The following FGGY variants were observed in gnomAD, a reference collection of about 807,000 sequenced individuals.
FGGY encodes FGGY carbohydrate kinase domain containing.
Under a neutral mutation model 71.3 loss-of-function variants are expected in FGGY, and 72 were observed. The observed-to-expected ratio is 1.01, with a 90% CI of 0.84 to 1.23. The LOEUF (loss-of-function observed/expected upper bound fraction) is 1.23, where lower values mean the gene tolerates loss of function less well. FGGY is among the 50% of genes most tolerant of loss of function. The probability of loss-of-function intolerance (pLI) is 0.00; values close to 1 mark genes in which losing one functional copy is unlikely to be tolerated. For synonymous variants in FGGY, 251 were observed against 250.3 expected, an observed-to-expected ratio of 1.00 and a Z score of -0.02; for missense variants, 668 against 682.3, an observed-to-expected ratio of 0.98 and a Z score of 0.23.
chr1:59,461,047 A>G (rs1265927812), intron 6 of FGGY, among the ~76,000 whole-genome samples: 1 of 152,234 alleles, frequency 6.6e-6, no homozygotes, highest in Non-Finnish European at 1.5e-5. Context: ...CAGCTACGGA[A>G]CAAAGCTGGA....
At chr1:59,533,943 C>T (rs1405505967) in intron 7 of FGGY, among the ~76,000 whole-genome samples, 3 of 152,202 alleles carry the variant, frequency 2.0e-5, no homozygotes, top group Non-Finnish European at 2.9e-5. Flanking sequence ...TCCAAAGGAA[C>T]GGAGTTCCTC....
chr1:59,546,492 G>GGAT lies in FGGY; in HGVS notation c.800-7589_800-7587dup, dbSNP rs371455666. Among the ~76,000 whole-genome samples the GGAT allele has an allele frequency of 6.2e-3, 717 of 115,418 alleles. 7 individuals carry two copies. Among genetic ancestry groups the GGAT allele is most frequent in the Middle Eastern group, 0.016 (4 of 252 alleles). The allele number at this position is 115,418 out of a possible 152,430, so 75.7% of individuals were successfully genotyped here. ...AATTTCTCTGTTGACTTAAAGCATAGGATGATGATGATGATGATGATGATG... is the reference window on the plus strand; with the variant it reads ...AATTTCTCTGTTGACTTAAAGCATAGGATGATGATGATGATGATGATGATGATG... On this transcript the variant is annotated intron_variant, in intron 7 of 15. Coordinates refer to ENST00000303721, the MANE Select transcript of FGGY (RefSeq NM_018291.5).
At chr1:59,422,107 A>T (rs1245422467) in intron 5 of FGGY, among the ~76,000 whole-genome samples, 2 of 152,222 alleles carry the variant, frequency 1.3e-5, no homozygotes, top group African/African-American at 4.8e-5. Flanking sequence ...GGCAAGAATC[A>T]CCTGGAGAGA....
At chr1:59,371,180 C>T (rs1330849141) in intron 4 of FGGY, among the ~76,000 whole-genome samples, 1 of 152,124 alleles carries the variant, frequency 6.6e-6, no homozygotes, top group African/African-American at 2.4e-5. Flanking sequence ...TGCAGAGACA[C>T]ACATAGGCTC....
Position 59,667,422 on chromosome 1 carries a change from A to T in FGGY, c.1417+19A>T. The T allele has an allele frequency of 6.2e-7, 1 of 1,612,082 alleles. No individual in the cohort carries two copies. Among genetic ancestry groups the T allele is most frequent in the Non-Finnish European group, 8.5e-7 (1 of 1,178,928 alleles). ...ATTACTGGTAAGTCTGGGAAAGAGG[A>T]GAGAAGGTCACTTTTTGGCTTGGCA... On this transcript the variant is annotated intron_variant, in intron 13 of 15. Transcript: ENST00000303721.
chr1:59,538,496 A>G (rs2095375828), intron 7 of FGGY, among the ~76,000 whole-genome samples: 1 of 150,700 alleles, frequency 6.6e-6, no homozygotes, highest in Admixed American at 6.6e-5. Context: ...ATTACTGGGT[A>G]TATACCCAAA....
intron 14 of FGGY, chr1:59,733,438 G>GTTGTT (rs530572724): frequency 0.15 from 21,255 of 144,632 alleles, 1,533 homozygotes; most frequent in East Asian, 0.16. Context: ...AACTTATGCT[G>GTTGTT]TTGTTTTGTT....
At chr1:59,689,990 GTC>G (rs753317904) in intron 14 of FGGY, among the ~76,000 whole-genome samples, 1 of 152,196 alleles carries the variant, frequency 6.6e-6, no homozygotes, top group Non-Finnish European at 1.5e-5. Context: ...ACCTGTCAGT[GTC>G]TCTGATGAAG....
chr1:59,375,636 A>C (rs564504253), intron 4 of FGGY, among the ~76,000 whole-genome samples: 5 of 152,290 alleles, frequency 3.3e-5, no homozygotes, highest in Admixed American at 3.3e-4. Context: ...TTATCTCCTT[A>C]GAGAGGAGAG....
chr1:59,445,785 C>G (rs2071098049), intron 5 of FGGY, among the ~76,000 whole-genome samples: 1 of 152,176 alleles, frequency 6.6e-6, no homozygotes, highest in African/African-American at 2.4e-5. Context: ...TTAAATACCT[C>G]AAAATTACTG....
intron 7 of FGGY, among the ~76,000 whole-genome samples, chr1:59,549,579 T>C (rs936505647): frequency 5.9e-5 from 9 of 152,188 alleles, no homozygotes; most frequent in African/African-American, 2.2e-4. Flanking sequence ...TAAGGACTAA[T>C]TGAAGGTTAC....
chr1:59,655,705 A>G (rs1288804927), intron 11 of FGGY, among the ~76,000 whole-genome samples: 2 of 152,332 alleles, frequency 1.3e-5, no homozygotes, highest in Non-Finnish European at 2.9e-5. Context: ...TGGCACCATA[A>G]GAGTTACAGG....
chr1:59,636,564 A>C (rs776255847), intron 10 of FGGY, among the ~76,000 whole-genome samples: 3 of 152,194 alleles, frequency 2.0e-5, no homozygotes, highest in Non-Finnish European at 2.9e-5. Flanking sequence ...CGGAGCTTGC[A>C]GTGAGCCGAG....
At chr1:59,625,036 A>C (rs529992516) in intron 9 of FGGY, among the ~76,000 whole-genome samples, 1 of 152,244 alleles carries the variant, frequency 6.6e-6, no homozygotes, top group South Asian at 2.1e-4. Context: ...TCTTCTTTAC[A>C]CAGCCCTAGC....
intron 5 of FGGY, among the ~76,000 whole-genome samples, chr1:59,391,380 G>C (rs548938071): frequency 6.6e-6 from 1 of 152,146 alleles, no homozygotes; most frequent in South Asian, 2.1e-4. Flanking sequence ...GGAGGAAGTA[G>C]GAGGTGCTAA....
At chr1:59,657,185 A>C (rs2097226972) in intron 11 of FGGY, among the ~76,000 whole-genome samples, 1 of 152,198 alleles carries the variant, frequency 6.6e-6, no homozygotes. Flanking sequence ...TGGGGTTCCT[A>C]ATAAATATTG....
At chr1:59,618,524 C>A (rs144918000) in intron 9 of FGGY, among the ~76,000 whole-genome samples, 1 of 152,078 alleles carries the variant, frequency 6.6e-6, no homozygotes, top group Non-Finnish European at 1.5e-5. Context: ...TTGTAGACTT[C>A]TTTGAGAAGC....
chr1:59,515,106 C>A (rs1449613332), intron 7 of FGGY, among the ~76,000 whole-genome samples: 2 of 151,854 alleles, frequency 1.3e-5, no homozygotes, highest in Admixed American at 6.6e-5. Context: ...GGAGGCTGTA[C>A]CCTGCAAAGC....
At chr1:59,306,898 A>G (rs999516931) in intron 1 of FGGY, among the ~76,000 whole-genome samples, 1 of 152,228 alleles carries the variant, frequency 6.6e-6, no homozygotes, top group Non-Finnish European at 1.5e-5. Context: ...TCCATTGCAG[A>G]TTATGCTGAG....
Sources: allele counts gnomAD v4.1 joint callset (sites outside exome capture counted in the v4.1 genomes callset), GRCh38; gene constraint gnomAD v4.1.1; transcripts MANE v1.5; gene names NCBI Gene and HGNC (gene_info 2026-07-23, HGNC 2026-07-21).